TIAM1: variants seen among roughly 807,000 people sequenced by gnomAD.
The protein encoded by TIAM1 is TIAM Rac1 associated GEF 1, also known as rho guanine nucleotide exchange factor TIAM1.
In TIAM1, 65 loss-of-function variants were observed where a neutral mutation model predicts 163.5. That is an observed-to-expected ratio of 0.40 (90% CI 0.33 to 0.49). The LOEUF is 0.49. Ranked by LOEUF, TIAM1 falls within the 20% of genes least tolerant of loss-of-function variation. The pLI, the probability that TIAM1 is intolerant of heterozygous loss-of-function variation, is 0.77. For synonymous variants in TIAM1, 833 were observed against 810.1 expected, an observed-to-expected ratio of 1.03 and a Z score of -0.48; for missense variants, 1,789 against 2,044.7, an observed-to-expected ratio of 0.87 and a Z score of 2.41.
chr21:31,403,444 G>T (rs1374755995), intron 2 of TIAM1, among the ~76,000 whole-genome samples: 1 of 152,178 alleles, frequency 6.6e-6, no homozygotes, highest in Non-Finnish European at 1.5e-5. Context: ...ACTGCTCCCG[G>T]CCGATGACAT....
chr21:31,152,565 C>T, intron 19 of TIAM1, 71 bp downstream of exon 19: 16 of 1,587,204 alleles, frequency 1.0e-5, no homozygotes, highest in Non-Finnish European at 1.3e-5. Context: ...ATGAAGACAT[C>T]AACACGATCA....
intron 1 of TIAM1, among the ~76,000 whole-genome samples, chr21:31,491,412 C>T (rs1258184072): frequency 6.6e-6 from 1 of 152,164 alleles, no homozygotes; most frequent in Non-Finnish European, 1.5e-5. Context: ...TGGAATCTTA[C>T]AAACATATTA....
intron 12 of TIAM1, among the ~76,000 whole-genome samples, chr21:31,199,395 TC>T (rs1012427497): frequency 1.3e-5 from 2 of 149,672 alleles, no homozygotes; most frequent in African/African-American, 2.5e-5. Context: ...CCTTTTTCCC[TC>T]CCCCCCACCA....
chr21:31,176,573 G>C (rs2084774515), intron 15 of TIAM1, among the ~76,000 whole-genome samples: 1 of 152,118 alleles, frequency 6.6e-6, no homozygotes, highest in South Asian at 2.1e-4. Context: ...AGCCAACGTG[G>C]CAACCCATTC....
At chr21:31,254,259 G>A (rs985214545) in intron 4 of TIAM1, among the ~76,000 whole-genome samples, 2 of 152,240 alleles carry the variant, frequency 1.3e-5, no homozygotes, top group African/African-American at 4.8e-5. Flanking sequence ...CTCATTGATT[G>A]ACAGCCTGCG....
At chr21:31,430,224 AAATAT>A (rs1438526574) in intron 2 of TIAM1, among the ~76,000 whole-genome samples, 1,357 of 90,858 alleles carry the variant, frequency 0.015, 38 homozygotes, top group African/African-American at 0.075. Context: ...AAAAAAAAAA[AAATAT>A]ATATATATAT....
Position 31,120,074 on chromosome 21 carries a change from T to C in TIAM1, c.*294A>G, listed in dbSNP as rs1480800748. ...TGGGGTGATTTGCTTTCCAGTGCTA[T>C]AGAATCTTTTTTCTTTTAATTGTTC... On this transcript the variant is annotated 3_prime_UTR_variant, in exon 28 of 28. Coordinates refer to ENST00000541036, the MANE Select transcript of TIAM1 (RefSeq NM_001353694.2). This position sits in a 1 kb window ranked among gnomAD's most constrained non-coding sequence, Gnocchi z 4.2. 3.3e-6 allele frequency: 1 copy of C among 304,826 alleles called. No homozygotes were observed. The highest frequency in any genetic ancestry group is 2.2e-5 in the African/African-American group (1 of 46,340). The allele number at this position is 304,826 out of a possible 1,614,324, so 18.9% of individuals were successfully genotyped here.
In TIAM1 at chr21:31,135,980, G is replaced by C. The variant is rs376604029; in HGVS notation, c.3836C>G (p.Pro1279Arg). 6.2e-7 allele frequency: 1 copy of C among 1,614,144 alleles called. No individual in the cohort carries two copies. Among genetic ancestry groups the C allele is most frequent in the Admixed American group, 1.7e-5 (1 of 60,016 alleles). Residue 1279 changes from proline (P) to arginine (R), a missense_variant, in exon 23 of 28, where the codon CCG (proline) becomes CGG (arginine). Coordinates refer to ENST00000541036, the MANE Select transcript of TIAM1 (RefSeq NM_001353694.2). ...CTTTTTCCACTTGCCCAGCGAGGCC[G>C]GCGGGTTCAGCCAGATCACGGTAGT... is the stretch of plus-strand genomic sequence containing the variant. ...LHTTVIWLNP[P>R]ASLGKWKKEP...
intron 2 of TIAM1, among the ~76,000 whole-genome samples, chr21:31,327,586 G>A (rs2075531734): frequency 1.5e-5 from 2 of 136,710 alleles, no homozygotes; most frequent in African/African-American, 5.6e-5. Flanking sequence ...AGGTTGCAGT[G>A]AGCTGAGATG....
chr21:31,414,086 C>T lies in TIAM1; in HGVS notation c.-369+49897G>A, dbSNP rs143050754. ...GTACTTCATTCCCTACCGCCTCAGG[C>T]TCTCAGGAGCCCATGGATTTTGCCA... On this transcript the variant is annotated intron_variant, in intron 2 of 28. Transcript: ENST00000286827. Among the ~76,000 whole-genome samples the T allele has an allele frequency of 2.4e-3, 367 of 152,318 alleles. 3 individuals carry two copies. Among genetic ancestry groups the T allele is most frequent in the African/African-American group, 7.9e-3 (330 of 41,554 alleles).
chr21:31,553,467 G>A (rs2048762289), intron 1 of TIAM1, among the ~76,000 whole-genome samples: 1 of 152,178 alleles, frequency 6.6e-6, no homozygotes, highest in African/African-American at 2.4e-5. Context: ...GAAGGTCATG[G>A]CAAGAATAAA....
At chr21:31,155,625 C>T (rs976938797) in intron 16 of TIAM1, among the ~76,000 whole-genome samples, 1 of 152,270 alleles carries the variant, frequency 6.6e-6, no homozygotes, top group Non-Finnish European at 1.5e-5. Flanking sequence ...CTGCCTCAGC[C>T]TCCCGAGCAG....
At chr21:31,348,557 G>A (rs540940639), upstream of TIAM1, among the ~76,000 whole-genome samples, 1 of 152,332 alleles carries the variant, frequency 6.6e-6, no homozygotes, top group East Asian at 1.9e-4. Context: ...CTATGGAAAT[G>A]CAGAAGGTTT....
chr21:31,402,113 T>G (rs945504229), intron 2 of TIAM1, among the ~76,000 whole-genome samples: 2 of 151,822 alleles, frequency 1.3e-5, no homozygotes, highest in Non-Finnish European at 2.9e-5. Context: ...CTTGGGAGGC[T>G]GAGGCAGGAG....
Position 31,150,428 on chromosome 21 carries a change from A to G in TIAM1, c.3366+2208T>C, listed in dbSNP as rs758028577. 9.7e-4 allele frequency among the ~76,000 whole-genome samples: 147 copies of G among 152,170 alleles called. 2 individuals carry two copies. The highest frequency in any genetic ancestry group is 2.6e-4 in the Non-Finnish European group (18 of 68,042). On this transcript the variant is annotated intron_variant, in intron 19 of 27. Coordinates refer to ENST00000541036, the MANE Select transcript of TIAM1 (RefSeq NM_001353694.2). The stretch of plus-strand genomic sequence containing the variant: ...AAAGTGTATGGGGGCCTATACACAT[A>G]TGAACAGCTCATTCTTAACACAAAT...
At chr21:31,192,660 C>T (rs1022211138) in intron 13 of TIAM1, among the ~76,000 whole-genome samples, 2 of 152,002 alleles carry the variant, frequency 1.3e-5, no homozygotes, top group Admixed American at 6.6e-5. Context: ...AAATCTTAAG[C>T]GAGCATATGA....
chr21:31,183,374 C>T (rs1029929407), intron 14 of TIAM1, among the ~76,000 whole-genome samples: 3 of 152,072 alleles, frequency 2.0e-5, no homozygotes, highest in African/African-American at 4.8e-5. Flanking sequence ...AGTTCAAACT[C>T]GCACTGGAAG....
intron 2 of TIAM1, among the ~76,000 whole-genome samples, chr21:31,336,138 C>T (rs1049987699): frequency 6.6e-6 from 1 of 152,144 alleles, no homozygotes; most frequent in African/African-American, 2.4e-5. Flanking sequence ...TAAGTGAAGA[C>T]AGACGCCACT....
At chr21:31,342,376 T>C (rs1167355457) in intron 1 of TIAM1, among the ~76,000 whole-genome samples, 2 of 152,100 alleles carry the variant, frequency 1.3e-5, no homozygotes, top group Non-Finnish European at 2.9e-5. Flanking sequence ...TATGAAAAGA[T>C]AATGATACAG....
Sources: gnomAD v4.1 joint callset for allele counts (sites outside exome capture counted in the v4.1 genomes callset) on GRCh38, gnomAD v4.1.1 for gene constraint, Gnocchi (gnomAD v3.1) non-coding constraint, MANE v1.5 for transcripts, NCBI Gene and HGNC (gene_info 2026-07-23, HGNC 2026-07-21) for gene names.